The following OTULINL variants were observed in gnomAD, a reference collection of about 807,000 sequenced individuals.
The protein encoded by OTULINL is inactive ubiquitin thioesterase OTULINL.
OTULINL carries 42 observed loss-of-function variants against 43.9 expected under a neutral mutation model. The ratio of observed to expected loss-of-function variants is 0.96; its 90% CI spans 0.75 to 1.24. OTULINL has a LOEUF of 1.24. Among genes scored for constraint, OTULINL ranks in the 50% most tolerant of loss-of-function variants. The pLI, the probability that OTULINL is intolerant of heterozygous loss-of-function variation, is 0.00. For synonymous variants in OTULINL, 172 were observed against 153.6 expected (o/e 1.12, Z -0.88); for missense variants, 411 against 426.4 (o/e 0.96, Z 0.32).
At position 14,605,757 on chromosome 5, in the gene OTULINL, C is replaced by T. The variant is rs139323197; in HGVS notation, c.499-1573C>T. On this transcript the variant is annotated intron_variant, in intron 5 of 7. Transcript: ENST00000274217. ...AGGGGCAAAATGCCACCAGTCTCTTCGTTAAAACATAACAAGAGTCATCTT... is the reference window on the plus strand; with the variant it reads ...AGGGGCAAAATGCCACCAGTCTCTTTGTTAAAACATAACAAGAGTCATCTT... Among the ~76,000 whole-genome samples the T allele has an allele frequency of 5.0e-3, 756 of 152,304 alleles. 9 individuals carry two copies. The highest frequency in any genetic ancestry group is 0.017 in the African/African-American group (721 of 41,562).
At chr5:14,608,710 T>G (rs750666108) in intron 6 of OTULINL, 38 bp from the exon 7 acceptor site, 36 of 1,535,840 alleles carry the variant, frequency 2.3e-5, no homozygotes, top group Non-Finnish European at 3.0e-5. Flanking sequence ...TGTCTTCACC[T>G]TTATCCTTCT....
Position 14,611,976 on chromosome 5 carries a change from CCATGTCTGATGGTAGCTTGTTCCCACTGT to C in OTULINL, c.*1666_*1694del, listed in dbSNP as rs1405138489. ...TGATCAGTCGTGTGTACTACATGAA[CCATGTCTGATGGTAGCTTGTTCCCACTGT>C]CATTTTGTTTTCTGGTTGAAGATTA... On this transcript the variant is annotated 3_prime_UTR_variant, in exon 8 of 8. Coordinates refer to ENST00000274217, the MANE Select transcript of OTULINL (RefSeq NM_019018.3). 1 of 152,150 alleles carries C rather than the reference CCATGTCTGATGGTAGCTTGTTCCCACTGT, an allele frequency of 6.6e-6. No homozygotes were observed. The highest frequency in any genetic ancestry group is 1.5e-5 in the Non-Finnish European group (1 of 68,022). The allele number at this position is 152,150 out of a possible 1,614,324, so 9.4% of individuals were successfully genotyped here.
At position 14,609,020 on chromosome 5, in the gene OTULINL, A is replaced by T; in HGVS notation, c.897+3A>T. Reference sequence around the variant, plus strand: ...GCGACACATGTGGACTAGAGCAGGTAACCGGGGAGGAAGAACTGCTTGTAT... The same window carrying T: ...GCGACACATGTGGACTAGAGCAGGTTACCGGGGAGGAAGAACTGCTTGTAT... On this transcript the variant is annotated splice_donor_region_variant and intron_variant, in intron 7 of 7. Coordinates refer to ENST00000274217, the MANE Select transcript of OTULINL (RefSeq NM_019018.3). 6.2e-7 allele frequency: 1 copy of T among 1,602,506 alleles called. No individual in the cohort carries two copies. The highest frequency in any genetic ancestry group is 8.5e-7 in the Non-Finnish European group (1 of 1,172,480).
chr5:14,607,601 T>A, intron 6 of OTULINL, 143 bp downstream of exon 6: 1 of 1,000,790 alleles, frequency 1.0e-6, no homozygotes, highest in Non-Finnish European at 1.4e-6. Flanking sequence ...AACTGATGAT[T>A]TCCCTCCTTA....
chr5:14,613,109 A>G lies in OTULINL; in HGVS notation c.*2795A>G, dbSNP rs1449562292. On this transcript the variant is annotated 3_prime_UTR_variant, in exon 8 of 8. Transcript: ENST00000274217. Reference sequence around the variant, plus strand: ...GACTAATTTTTTGTGTTTTTAGTAGAAACGGGGTTTCACCATTTAGCCAGG... The same window carrying G: ...GACTAATTTTTTGTGTTTTTAGTAGGAACGGGGTTTCACCATTTAGCCAGG... Among the ~76,000 whole-genome samples, 1 of 152,152 alleles carries G rather than the reference A, an allele frequency of 6.6e-6. No homozygotes were observed. The highest frequency in any genetic ancestry group is 1.5e-5 in the Non-Finnish European group (1 of 68,030).
rs945410640 is a variant in OTULINL at position 14,616,169 on chromosome 5, G to A, written c.*5855G>A. ...TGGTAATAAAGACTTCTACACTTTA[G>A]TAGCACTAAAATACGAGTTTCAGGC... On this transcript the variant is annotated 3_prime_UTR_variant, in exon 8 of 8. Coordinates refer to ENST00000274217, the MANE Select transcript of OTULINL (RefSeq NM_019018.3). 5.3e-5 allele frequency among the ~76,000 whole-genome samples: 8 copies of A among 152,178 alleles called. No individual in the cohort carries two copies. The highest frequency in any genetic ancestry group is 1.0e-4 in the Non-Finnish European group (7 of 68,040).
intron 1 of OTULINL, among the ~76,000 whole-genome samples, chr5:14,599,102 A>G (rs1396415273): frequency 1.3e-5 from 2 of 152,282 alleles, no homozygotes; most frequent in Non-Finnish European, 2.9e-5. Flanking sequence ...GAATAAATAT[A>G]TAATGATTTG....
At chr5:14,610,072 C>A in intron 7 of OTULINL, 69 bp from the exon 8 acceptor site, 1 of 1,381,264 alleles carries the variant, frequency 7.2e-7, no homozygotes, top group African/African-American at 1.4e-5. Context: ...GGAACACTTC[C>A]CCCCACCGTG....
At chr5:14,604,820 G>A (rs966734630) in intron 5 of OTULINL, among the ~76,000 whole-genome samples, 7 of 152,238 alleles carry the variant, frequency 4.6e-5, no homozygotes, top group African/African-American at 1.7e-4. Context: ...GGTTCCCATG[G>A]TCTTGGGCAG....
intron 1 of OTULINL, among the ~76,000 whole-genome samples, chr5:14,585,721 C>T (rs150834469): frequency 8.8e-4 from 134 of 152,304 alleles, no homozygotes; most frequent in African/African-American, 2.9e-3. Context: ...CACTCTGTGA[C>T]GCTCACAACG....
intron 5 of OTULINL, among the ~76,000 whole-genome samples, chr5:14,605,268 T>G (rs1759454533): frequency 6.6e-6 from 1 of 152,124 alleles, no homozygotes; most frequent in South Asian, 2.1e-4. Context: ...ATACCTTGCT[T>G]GGCCCCTTTT....
chr5:14,597,287 T>C (rs1759303589), intron 1 of OTULINL, among the ~76,000 whole-genome samples: 1 of 152,192 alleles, frequency 6.6e-6, no homozygotes, highest in African/African-American at 2.4e-5. Flanking sequence ...TCCTGTGTTG[T>C]GATGCAGTGA....
intron 4 of OTULINL, 29 bp downstream of exon 4, chr5:14,601,471 A>G: frequency 6.4e-7 from 1 of 1,571,478 alleles, no homozygotes; most frequent in African/African-American, 1.4e-5. Context: ...GGTATGGGAG[A>G]AATAGAGTTT....
chr5:14,601,134 T>C lies in OTULINL; in HGVS notation c.224+10T>C. ...GGCACAAGCTGAAATGGTAGGTCACTGTATCATCCTTAAATTTCAAATGTA... is the reference window on the plus strand; with the variant it reads ...GGCACAAGCTGAAATGGTAGGTCACCGTATCATCCTTAAATTTCAAATGTA... On this transcript the variant is annotated intron_variant, in intron 2 of 7. Coordinates refer to ENST00000274217, the MANE Select transcript of OTULINL (RefSeq NM_019018.3). 6.2e-7 allele frequency: 1 copy of C among 1,611,322 alleles called. No homozygotes were observed. Among genetic ancestry groups the C allele is most frequent in the Non-Finnish European group, 8.5e-7 (1 of 1,178,854 alleles).
intron 1 of OTULINL, among the ~76,000 whole-genome samples, chr5:14,592,077 T>C (rs772263367): frequency 1.3e-5 from 2 of 152,166 alleles, no homozygotes; most frequent in African/African-American, 4.8e-5. Context: ...CGATGAGACC[T>C]AAAATATGTA....
At chr5:14,592,554 T>G (rs1410170175) in intron 1 of OTULINL, among the ~76,000 whole-genome samples, 5 of 152,150 alleles carry the variant, frequency 3.3e-5, no homozygotes, top group Non-Finnish European at 7.4e-5. Flanking sequence ...AGCATTTGCC[T>G]TAGAGGTGTT....
intron 1 of OTULINL, among the ~76,000 whole-genome samples, chr5:14,596,541 A>T (rs959585264): frequency 5.9e-5 from 9 of 152,002 alleles, no homozygotes; most frequent in African/African-American, 1.9e-4. Flanking sequence ...AGGAAGGATA[A>T]TTTTTTTTAA....
intron 1 of OTULINL, among the ~76,000 whole-genome samples, chr5:14,582,248 G>T (rs1170014901): frequency 6.6e-6 from 1 of 152,022 alleles, no homozygotes; most frequent in Non-Finnish European, 1.5e-5. Context: ...GCAGGTTCCT[G>T]GAAGAAAGCC....
chr5:14,582,720 C>G (rs1456713196), intron 1 of OTULINL, among the ~76,000 whole-genome samples: 1 of 148,268 alleles, frequency 6.7e-6, no homozygotes, highest in Non-Finnish European at 1.5e-5. Flanking sequence ...AAGGCTGAGG[C>G]CGGAGAATTG....
Sources: allele counts gnomAD v4.1 joint callset (sites outside exome capture counted in the v4.1 genomes callset), GRCh38; gene constraint gnomAD v4.1.1; transcripts MANE v1.5; gene names NCBI Gene and HGNC (gene_info 2026-07-23, HGNC 2026-07-21).